EPCAM: variants seen among roughly 807,000 people sequenced by gnomAD.
EPCAM encodes adenocarcinoma-associated antigen.
Under a neutral mutation model 40.0 loss-of-function variants are expected in EPCAM, and 39 were observed. That is an observed-to-expected ratio of 0.98 (90% confidence interval 0.76 to 1.27). The LOEUF (loss-of-function observed/expected upper bound fraction) is 1.27. Among genes scored for constraint, EPCAM ranks in the 50% most tolerant of loss-of-function variants. The pLI is 0.00. For missense variants in EPCAM, 503 were observed against 381.2 expected, an observed-to-expected ratio of 1.32 and a Z score of -2.66; for synonymous variants, 168 against 132.3, an observed-to-expected ratio of 1.27 and a Z score of -1.85.
chr2:47,378,404 C>T (rs966396650), intron 5 of EPCAM, among the ~76,000 whole-genome samples: 5 of 150,202 alleles, frequency 3.3e-5, no homozygotes, highest in African/African-American at 1.2e-4. Flanking sequence ...CAGGTTCAAG[C>T]GATTCTCCTG....
intron 7 of EPCAM, among the ~76,000 whole-genome samples, chr2:47,383,883 C>G (rs1671666155): frequency 6.6e-6 from 1 of 151,670 alleles, no homozygotes; most frequent in African/African-American, 2.4e-5. Context: ...GTGATCTGCT[C>G]ACTTCGGCCT....
Position 47,373,933 on chromosome 2 carries a change from C to A in EPCAM, c.310C>A (p.Leu104Ile), listed in dbSNP as rs1441698493. The change falls in exon 3 of 9, where the codon CTC becomes ATC. Residue 104 changes from leucine (L) to isoleucine (I), a missense_variant. Coordinates refer to ENST00000263735, the MANE Select transcript of EPCAM (RefSeq NM_002354.3). Reference sequence around the variant, plus strand: ...TGATCCTGACTGCGATGAGAGCGGGCTCTTTAAGGCCAAGCAGTGCAACGG... The same window carrying A: ...TGATCCTGACTGCGATGAGAGCGGGATCTTTAAGGCCAAGCAGTGCAACGG... ...LYDPDCDESG[L>I]FKAKQCNGTS... 6.2e-7 allele frequency: 1 copy of A among 1,614,052 alleles called. No individual in the cohort carries two copies. Among genetic ancestry groups the A allele is most frequent in the East Asian group, 2.2e-5 (1 of 44,876 alleles).
intron 1 of EPCAM, among the ~76,000 whole-genome samples, chr2:47,370,428 C>G (rs1419426763): frequency 6.6e-6 from 1 of 151,708 alleles, no homozygotes; most frequent in Non-Finnish European, 1.5e-5. Flanking sequence ...AGGCGCGCGC[C>G]ACCACCCCCC....
At chr2:47,372,942 A>G (rs987092525) in intron 1 of EPCAM, among the ~76,000 whole-genome samples, 18 of 152,074 alleles carry the variant, frequency 1.2e-4, no homozygotes, top group Non-Finnish European at 2.4e-4. Context: ...ACAGTGGCTC[A>G]TGCCTGTAAT....
chr2:47,371,711 T>C (rs1218903745), intron 1 of EPCAM, among the ~76,000 whole-genome samples: 1 of 152,194 alleles, frequency 6.6e-6, no homozygotes, highest in Non-Finnish European at 1.5e-5. Flanking sequence ...GAACAGTGTG[T>C]TTTAAACAAG....
In EPCAM at chr2:47,386,880, C is replaced by T. The variant is rs1349563285; in HGVS notation, c.*267C>T. On this transcript the variant is annotated 3_prime_UTR_variant, in exon 9 of 9. Transcript: ENST00000263735. Reference sequence around the variant, plus strand: ...CATCGTTAAAATTATTTATGTGTAACATTCAAATGTGTGCATTAAATATGC... The same window carrying T: ...CATCGTTAAAATTATTTATGTGTAATATTCAAATGTGTGCATTAAATATGC... 9.0e-6 allele frequency: 3 copies of T among 332,270 alleles called. No individual in the cohort carries two copies. The highest frequency in any genetic ancestry group is 8.5e-5 in the East Asian group (2 of 23,430). The allele number at this position is 332,270 out of a possible 1,614,324, so 20.6% of individuals were successfully genotyped here.
At chr2:47,384,748 CCAGGCTGGAGAG>C (rs1671693069) in intron 7 of EPCAM, among the ~76,000 whole-genome samples, 1 of 152,126 alleles carries the variant, frequency 6.6e-6, no homozygotes, top group South Asian at 2.1e-4. Flanking sequence ...ACTCTGTAGC[CCAGGCTGGAGAG>C]CAGTGATGCC....
At chr2:47,382,361 G>T (rs926823591) in intron 7 of EPCAM, among the ~76,000 whole-genome samples, 15 of 151,888 alleles carry the variant, frequency 9.9e-5, no homozygotes, top group African/African-American at 3.6e-4. Context: ...CAATAAGGAA[G>T]CACATTGTTA....
intron 1 of EPCAM, among the ~76,000 whole-genome samples, chr2:47,371,137 A>T (rs1243025760): frequency 6.6e-6 from 1 of 150,420 alleles, no homozygotes; most frequent in Non-Finnish European, 1.5e-5. Context: ...GCATCACCAC[A>T]CCCGGCCTTA....
chr2:47,372,763 C>G (rs1160078840), intron 1 of EPCAM, among the ~76,000 whole-genome samples: 2 of 151,836 alleles, frequency 1.3e-5, no homozygotes, highest in East Asian at 1.9e-4. Context: ...CAGAGTGAGA[C>G]TCTGTCTCAA....
rs149121351 is a variant in EPCAM at position 47,378,683 on chromosome 2, TTTCAA to T, written c.556-268_556-264del. ...ACTTTCATATCTTATTTAAAAATCT[TTTCAA>T]TATAAGAAAATCCTCTTAGGAAAAA... On this transcript the variant is annotated intron_variant, in intron 5 of 8. Coordinates refer to ENST00000263735, the MANE Select transcript of EPCAM (RefSeq NM_002354.3). 9.6e-3 allele frequency among the ~76,000 whole-genome samples: 1,464 copies of T among 152,282 alleles called. 27 individuals carry two copies. The highest frequency in any genetic ancestry group is 0.032 in the African/African-American group (1,312 of 41,548).
intron 1 of EPCAM, among the ~76,000 whole-genome samples, chr2:47,372,707 T>A (rs1172752988): frequency 2.0e-5 from 3 of 150,514 alleles, no homozygotes; most frequent in Non-Finnish European, 4.4e-5. Context: ...GGGAGATGGA[T>A]GTTGCAGTGA....
chr2:47,376,778 G>C (rs1465989517), intron 4 of EPCAM, among the ~76,000 whole-genome samples: 1 of 152,210 alleles, frequency 6.6e-6, no homozygotes, highest in African/African-American at 2.4e-5. Flanking sequence ...TCTATGGGCA[G>C]ATACTTGGAT....
intron 7 of EPCAM, among the ~76,000 whole-genome samples, chr2:47,383,630 TTTTTTTTTTTTTTTTTTTTTTTG>T (rs1671658164): frequency 1.1e-5 from 1 of 88,394 alleles, no homozygotes; most frequent in Admixed American, 1.3e-4. Flanking sequence ...TTTTTTTTTT[TTTTTTTTTTTTTTTTTTTTTTTG>T]AGATGGAGTC....
chr2:47,372,970 C>T (rs1245388354), intron 1 of EPCAM, among the ~76,000 whole-genome samples: 1 of 151,884 alleles, frequency 6.6e-6, no homozygotes, highest in African/African-American at 2.4e-5. Flanking sequence ...CTTTGGGAGG[C>T]TGAGGCAGGA....
chr2:47,377,143 A>G, intron 5 of EPCAM, 66 bp downstream of exon 5: 1 of 1,068,412 alleles, frequency 9.4e-7, no homozygotes, highest in Non-Finnish European at 1.5e-6. Context: ...GAGTATAAGG[A>G]CAGCCAGTGA....
At chr2:47,369,664 C>T (rs1472076692) in intron 1 of EPCAM, 83 bp downstream of exon 1, 11 of 1,361,340 alleles carry the variant, frequency 8.1e-6, no homozygotes, top group Middle Eastern at 3.7e-4. Flanking sequence ...CCGAAACGGG[C>T]ATAATAGGGA....
chr2:47,376,513 G>C lies in EPCAM; in HGVS notation c.492-501G>C, dbSNP rs186347645. ...AACCTCAGGTGATCTGCCCACCTCAGCATCCCAAAGTGCTGGGATTACAGG... is the reference window on the plus strand; with the variant it reads ...AACCTCAGGTGATCTGCCCACCTCACCATCCCAAAGTGCTGGGATTACAGG... On this transcript the variant is annotated intron_variant, in intron 4 of 8. Transcript: ENST00000263735. Among the ~76,000 whole-genome samples the C allele has an allele frequency of 1.3e-4, 20 of 152,202 alleles. No individual in the cohort carries two copies. The East Asian group carries it at 3.9e-3, about 29-fold the overall frequency.
rs1671155321 is a variant in EPCAM, at chr2:47,369,434, C to T, written c.-72C>T. The T allele has an allele frequency of 1.5e-6, 2 of 1,326,020 alleles. No individual in the cohort carries two copies. The highest frequency in any genetic ancestry group is 2.0e-6 in the Non-Finnish European group (2 of 1,024,934). The allele number at this position is 1,326,020 out of a possible 1,614,324, so 82.1% of individuals were successfully genotyped here. ...GCGCTGCCCGGCCGGCTCCTCGTGT[C>T]CCACTCCCGGCGCACGCCCTCCCGC... On this transcript the variant is annotated 5_prime_UTR_variant, in exon 1 of 9. Coordinates refer to ENST00000263735, the MANE Select transcript of EPCAM (RefSeq NM_002354.3).
Sources: allele counts gnomAD v4.1 joint callset (sites outside exome capture counted in the v4.1 genomes callset), GRCh38; gene constraint gnomAD v4.1.1; transcripts MANE v1.5; gene names NCBI Gene and HGNC (gene_info 2026-07-23, HGNC 2026-07-21).